DOCK9: variants seen among roughly 807,000 people sequenced by gnomAD.
DOCK9 encodes the protein dedicator of cytokinesis 9.
Under a neutral mutation model 263.3 loss-of-function variants are expected in DOCK9, and 89 were observed. The ratio of observed to expected loss-of-function variants is 0.34; its 90% confidence interval spans 0.28 to 0.40. The LOEUF is 0.40. Ranked by LOEUF, DOCK9 falls within the 10% of genes least tolerant of loss-of-function variation. DOCK9 has a pLI of 1.00. For synonymous variants in DOCK9, 976 were observed against 973.1 expected, an observed-to-expected ratio of 1.00 and a Z score of -0.06; for missense variants, 2,140 against 2,603.4, an observed-to-expected ratio of 0.82 and a Z score of 3.87.
At chr13:98,994,237 G>A (rs1880485743) in intron 1 of DOCK9, among the ~76,000 whole-genome samples, 1 of 152,244 alleles carries the variant, frequency 6.6e-6, no homozygotes, top group Non-Finnish European at 1.5e-5. Flanking sequence ...ACTTGGGCTT[G>A]TTTGAGCACT....
rs2093377150 is a variant in DOCK9, at chr13:98,845,937, G to A, written c.4185C>T (p.Leu1395=). The A allele has an allele frequency of 4.3e-6, 7 of 1,613,540 alleles. No homozygotes were observed. Among genetic ancestry groups the A allele is most frequent in the Non-Finnish European group, 5.9e-6 (7 of 1,179,740 alleles). The change falls in exon 38 of 53, where the codon CTC becomes CTT. Residue 1395 remains leucine (L), a synonymous_variant. Coordinates refer to ENST00000682017, the MANE Select transcript of DOCK9 (RefSeq NM_001366683.2). The part of the protein sequence containing the change: ...LQQLGSLDNS[L]TFNHSYGHSD... ...CATGGGACTTACTGTGGTTAAAAGT[G>A]AGAGAGTTATCCAGGCTGCCCAGCT... is the stretch of plus-strand genomic sequence containing the variant.
chr13:98,999,989 AAAG>A (rs550647385), intron 1 of DOCK9, among the ~76,000 whole-genome samples: 274 of 152,304 alleles, frequency 1.8e-3, no homozygotes, highest in African/African-American at 4.7e-3. Context: ...AAAAAGAAAA[AAAG>A]AAGAAGAAGA....
chr13:98,848,494 A>C, intron 37 of DOCK9, 98 bp downstream of exon 37: 1 of 1,315,104 alleles, frequency 7.6e-7, no homozygotes, highest in South Asian at 1.3e-5. Context: ...CGCTTCCATG[A>C]ACCCCAACTG....
At chr13:98,828,616 A>G (rs757904183) in intron 43 of DOCK9, among the ~76,000 whole-genome samples, 1 of 152,242 alleles carries the variant, frequency 6.6e-6, no homozygotes, top group Non-Finnish European at 1.5e-5. Flanking sequence ...CTATTGTAAT[A>G]ATGTTGATCA....
chr13:98,836,160 G>A (rs2092991835), intron 39 of DOCK9, among the ~76,000 whole-genome samples: 1 of 152,128 alleles, frequency 6.6e-6, no homozygotes, highest in Non-Finnish European at 1.5e-5. Context: ...CTTGTGCCCC[G>A]TGTGCCTGTA....
At chr13:98,832,026 G>T (rs2092785133) in intron 39 of DOCK9, 2 of 493,398 alleles carry the variant, frequency 4.1e-6, no homozygotes, top group Non-Finnish European at 7.1e-6. Context: ...AGGAACACTT[G>T]CTTAGTACTG....
At chr13:98,985,053 T>C (rs1442283453) in intron 1 of DOCK9, among the ~76,000 whole-genome samples, 1 of 114,314 alleles carries the variant, frequency 8.7e-6, no homozygotes, top group Non-Finnish European at 1.6e-5. Context: ...GTGCTATCAG[T>C]GAAGAAGACT....
chr13:98,955,326 ATAAT>A, intron 2 of DOCK9, 105 bp downstream of exon 2: 1 of 664,896 alleles, frequency 1.5e-6, no homozygotes, highest in Non-Finnish European at 2.3e-6. Flanking sequence ...CTCAAAAAAA[ATAAT>A]AATAATAATA....
chr13:98,845,122 C>T (rs1023620459), intron 38 of DOCK9, among the ~76,000 whole-genome samples: 5 of 152,160 alleles, frequency 3.3e-5, no homozygotes, highest in African/African-American at 1.2e-4. Flanking sequence ...GAAGATAAAG[C>T]ACTTAAATTA....
intron 2 of DOCK9, among the ~76,000 whole-genome samples, chr13:98,946,038 G>A (rs1171386898): frequency 9.4e-6 from 1 of 105,872 alleles, no homozygotes; most frequent in African/African-American, 3.8e-5. Flanking sequence ...AAGCCTCGCG[G>A]GGGAGACAGG....
intron 50 of DOCK9, among the ~76,000 whole-genome samples, chr13:98,799,301 AC>A (rs1195319858): frequency 6.6e-6 from 1 of 152,242 alleles, no homozygotes. Context: ...TCATAAACAT[AC>A]CCTTCTTGAA....
chr13:99,017,654 C>G (rs565408360), intron 1 of DOCK9, among the ~76,000 whole-genome samples: 1 of 152,284 alleles, frequency 6.6e-6, no homozygotes, highest in Non-Finnish European at 1.5e-5. Context: ...AGTGTCCAAT[C>G]TTTTGACTTC....
intron 48 of DOCK9, 86 bp from the exon 49 acceptor site, chr13:98,805,295 A>G: frequency 1.7e-6 from 2 of 1,185,126 alleles, no homozygotes; most frequent in Non-Finnish European, 2.4e-6. Flanking sequence ...CCAACATTTT[A>G]TTTGTAAATA....
intron 2 of DOCK9, among the ~76,000 whole-genome samples, chr13:98,932,486 G>C (rs926292285): frequency 2.0e-5 from 3 of 152,214 alleles, no homozygotes; most frequent in African/African-American, 7.2e-5. Context: ...TTTGCTGAGA[G>C]AATCTACCCT....
intron 15 of DOCK9, among the ~76,000 whole-genome samples, chr13:98,891,028 G>A (rs2046537368): frequency 6.6e-6 from 1 of 152,148 alleles, no homozygotes. Flanking sequence ...TCCAGGTACA[G>A]CCAAGCACTC....
At chr13:98,891,259 AG>A in intron 15 of DOCK9, among the ~76,000 whole-genome samples, 1 of 152,222 alleles carries the variant, frequency 6.6e-6, no homozygotes, top group East Asian at 1.9e-4. Flanking sequence ...ACCTTCAGAC[AG>A]GGGGTTTTAT....
At chr13:99,015,578 T>C in intron 1 of DOCK9, 4 of 1,598,046 alleles carry the variant, frequency 2.5e-6, no homozygotes, top group Non-Finnish European at 3.4e-6. Context: ...CGGATGCCTT[T>C]AAACAGAATC....
At chr13:98,931,883 C>T (rs921727132) in intron 2 of DOCK9, among the ~76,000 whole-genome samples, 1 of 150,500 alleles carries the variant, frequency 6.6e-6, no homozygotes, top group African/African-American at 2.4e-5. Context: ...CAGGTGTGAG[C>T]CACCACACCC....
intron 2 of DOCK9, among the ~76,000 whole-genome samples, chr13:98,946,437 T>C (rs547072078): frequency 1.3e-5 from 2 of 152,228 alleles, no homozygotes; most frequent in South Asian, 2.1e-4. Context: ...AAGCTCCCCC[T>C]GCCCCAGGCC....
Sources: allele counts gnomAD v4.1 joint callset (sites outside exome capture counted in the v4.1 genomes callset), GRCh38; gene constraint gnomAD v4.1.1; transcripts MANE v1.5; gene names NCBI Gene and HGNC (gene_info 2026-07-23, HGNC 2026-07-21).